The following EPHB1 variants were observed in gnomAD, a reference collection of about 807,000 sequenced individuals.
EPHB1 encodes ephrin type-B receptor 1.
Under a neutral mutation model 94.4 loss-of-function variants are expected in EPHB1, and 30 were observed. The ratio of observed to expected loss-of-function variants is 0.32; its 90% CI spans 0.24 to 0.43. The LOEUF (loss-of-function observed/expected upper bound fraction) is 0.43. Among genes scored for constraint, EPHB1 ranks in the 20% least tolerant of loss-of-function variants. The probability of loss-of-function intolerance (pLI) is 1.00; values close to 1 mark genes in which losing one functional copy is unlikely to be tolerated. For missense variants in EPHB1, 1,055 were observed against 1,308.3 expected (o/e 0.81, Z 2.99); for synonymous variants, 522 against 489.1 (o/e 1.07, Z -0.89).
At chr3:135,110,545 T>A (rs540489949) in intron 4 of EPHB1, among the ~76,000 whole-genome samples, 3 of 152,188 alleles carry the variant, frequency 2.0e-5, no homozygotes, top group Non-Finnish European at 4.4e-5. Flanking sequence ...AGCTTCCTTC[T>A]GGATAAAATT....
At position 135,132,914 on chromosome 3, in the gene EPHB1, G is replaced by A. The variant is rs1270405004; in HGVS notation, c.1162G>A (p.Glu388Lys). ...TGTGCCCAGGCAGCTGGGCCTGACG[G>A]AGTGCCGCGTCTCCATCAGCAGCCT... ...EFVPRQLGLT[E>K]CRVSISSLWA... is the part of the protein sequence containing the mutation. The change falls in exon 5 of 16, where the codon GAG becomes AAG. Residue 388 changes from glutamate (E) to lysine (K), a missense_variant. Physicochemically the swap from Glu to Lys is moderately conservative, Grantham distance 56. Transcript: ENST00000398015. 1 of 1,614,028 alleles carries A rather than the reference G, an allele frequency of 6.2e-7. No individual in the cohort carries two copies. Among genetic ancestry groups the A allele is most frequent in the Non-Finnish European group, 8.5e-7 (1 of 1,179,894 alleles).
chr3:135,092,802 T>C (rs1393315464), intron 3 of EPHB1, among the ~76,000 whole-genome samples: 1 of 152,210 alleles, frequency 6.6e-6, no homozygotes, highest in Non-Finnish European at 1.5e-5. Context: ...ATTTTTTGTA[T>C]TTTTAGTAGA....
intron 3 of EPHB1, among the ~76,000 whole-genome samples, chr3:135,019,241 C>T (rs1038148441): frequency 1.3e-5 from 2 of 152,042 alleles, no homozygotes; most frequent in Non-Finnish European, 1.5e-5. Context: ...GCCTGAAATC[C>T]CATCACAAAG....
At chr3:135,133,512 G>A (rs764046323) in intron 5 of EPHB1, among the ~76,000 whole-genome samples, 3 of 152,168 alleles carry the variant, frequency 2.0e-5, no homozygotes, top group Non-Finnish European at 4.4e-5. Context: ...AGAACAGGAC[G>A]ACAAATGATG....
intron 2 of EPHB1, among the ~76,000 whole-genome samples, chr3:134,938,591 A>G (rs557961832): frequency 6.6e-5 from 10 of 152,320 alleles, no homozygotes; most frequent in Admixed American, 6.5e-5. Context: ...TGACAGACAG[A>G]CAGAAGAGTC....
At chr3:135,070,497 G>C (rs192880614) in intron 3 of EPHB1, among the ~76,000 whole-genome samples, 1 of 152,176 alleles carries the variant, frequency 6.6e-6, no homozygotes, top group Admixed American at 6.5e-5. Flanking sequence ...GGCCAGAACT[G>C]TGAAACTGAG....
rs372996357 is a variant in EPHB1 at position 135,148,839 on chromosome 3, C to G, written c.1298-5313C>G. Among the ~76,000 whole-genome samples, 11 of 152,318 alleles carry G rather than the reference C, an allele frequency of 7.2e-5. No individual in the cohort carries two copies. In the East Asian group the frequency reaches 2.1e-3, roughly 29 times the overall value. ...CCTTTGTTTTTCTCCATCCCAGAGC[C>G]CCTTGACCAGTGATGTTTTAATTCT... On this transcript the variant is annotated intron_variant, in intron 5 of 15. Coordinates refer to ENST00000398015, the MANE Select transcript of EPHB1 (RefSeq NM_004441.5).
intron 5 of EPHB1, among the ~76,000 whole-genome samples, chr3:135,141,951 G>T (rs970460021): frequency 1.3e-5 from 2 of 152,232 alleles, no homozygotes; most frequent in Non-Finnish European, 1.5e-5. Context: ...AAGCAAAGCA[G>T]GAGAATGAGA....
rs1448908844 is a variant in EPHB1 at position 135,260,210 on chromosome 3, G to A, written c.*1090G>A. Reference sequence around the variant, plus strand: ...TGGAGAATGTTCTTTCACATCACTGGAATCTGCAATTCAAGAAGTGACAAG... The same window carrying A: ...TGGAGAATGTTCTTTCACATCACTGAAATCTGCAATTCAAGAAGTGACAAG... On this transcript the variant is annotated 3_prime_UTR_variant, in exon 16 of 16. Coordinates refer to ENST00000398015, the MANE Select transcript of EPHB1 (RefSeq NM_004441.5). 4.3e-6 allele frequency: 1 copy of A among 232,756 alleles called. No individual in the cohort carries two copies. The highest frequency in any genetic ancestry group is 8.5e-6 in the Non-Finnish European group (1 of 117,538). The allele number at this position is 232,756 out of a possible 1,614,324, so 14.4% of individuals were successfully genotyped here.
chr3:135,049,377 A>G (rs907620066), intron 3 of EPHB1, among the ~76,000 whole-genome samples: 2 of 152,192 alleles, frequency 1.3e-5, no homozygotes, highest in African/African-American at 4.8e-5. Flanking sequence ...CAGTCAGATG[A>G]TGGCTGAGGC....
At chr3:135,147,754 G>T (rs59686685) in intron 5 of EPHB1, among the ~76,000 whole-genome samples, 39,299 of 152,116 alleles carry the variant, frequency 0.26, 8,519 homozygotes, top group African/African-American at 0.6. Context: ...AGCATTTGCC[G>T]TCTAGAAGAG....
At chr3:135,184,358 T>A (rs1942273024) in intron 10 of EPHB1, among the ~76,000 whole-genome samples, 1 of 152,148 alleles carries the variant, frequency 6.6e-6, no homozygotes, top group East Asian at 1.9e-4. Context: ...TTGTTGCAAA[T>A]GTTGATCAAA....
chr3:134,888,034 G>A (rs1019051137), intron 1 of EPHB1, among the ~76,000 whole-genome samples: 8 of 152,188 alleles, frequency 5.3e-5, no homozygotes, highest in African/African-American at 1.9e-4. Flanking sequence ...CAAGGAGCGA[G>A]GGGTCAGTGT....
At chr3:134,933,818 C>T (rs911381182) in intron 2 of EPHB1, among the ~76,000 whole-genome samples, 2 of 152,164 alleles carry the variant, frequency 1.3e-5, no homozygotes, top group Admixed American at 1.3e-4. Context: ...AGAAGGAACT[C>T]CCAGACCAAG....
intron 3 of EPHB1, among the ~76,000 whole-genome samples, chr3:135,034,152 G>C (rs1289050407): frequency 6.6e-6 from 1 of 152,010 alleles, no homozygotes; most frequent in African/African-American, 2.4e-5. Flanking sequence ...CTGATTTACT[G>C]GATAAATATA....
At chr3:134,806,845 A>G (rs1286470837) in intron 1 of EPHB1, among the ~76,000 whole-genome samples, 6 of 152,138 alleles carry the variant, frequency 3.9e-5, no homozygotes, top group Non-Finnish European at 8.8e-5. Context: ...AAGACAAATA[A>G]TGTACATATA....
At chr3:135,234,532 C>T (rs2107725571) in intron 12 of EPHB1, among the ~76,000 whole-genome samples, 1 of 152,336 alleles carries the variant, frequency 6.6e-6, no homozygotes, top group South Asian at 2.1e-4. Flanking sequence ...ATCCTTATAG[C>T]AGCACCTCAT....
chr3:135,198,751 C>T lies in EPHB1; in HGVS notation c.2131-2723C>T, dbSNP rs770986393. 2.0e-4 allele frequency among the ~76,000 whole-genome samples: 30 copies of T among 152,206 alleles called. 1 individual carries two copies. Among genetic ancestry groups the T allele is most frequent in the Non-Finnish European group, 4.1e-4 (28 of 68,026 alleles). ...ATCATTGCTACCGTCTTAGGATACA[C>T]AAGGCACTGAGCTAGGGCCTTTCAT... On this transcript the variant is annotated intron_variant, in intron 11 of 15. Transcript: ENST00000398015.
At chr3:135,237,157 C>T (rs978853160) in intron 12 of EPHB1, among the ~76,000 whole-genome samples, 1 of 152,062 alleles carries the variant, frequency 6.6e-6, no homozygotes, top group Non-Finnish European at 1.5e-5. Context: ...ACACCAAGAG[C>T]TTCTACCTGT....
Sources: gnomAD v4.1 joint callset for allele counts (sites outside exome capture counted in the v4.1 genomes callset) on GRCh38, gnomAD v4.1.1 for gene constraint, MANE v1.5 for transcripts, NCBI Gene and HGNC (gene_info 2026-07-23, HGNC 2026-07-21) for gene names.